ABCC1: variants seen among roughly 807,000 people sequenced by gnomAD.
ABCC1 encodes the protein ATP binding cassette subfamily C member 1 (ABCC1 blood group), also known as multidrug resistance-associated protein 1.
ABCC1 carries 83 observed loss-of-function variants against 172.9 expected under a neutral mutation model. The observed-to-expected ratio is 0.48, with a 90% CI of 0.40 to 0.58. ABCC1 has a LOEUF of 0.58. ABCC1 is among the 20% of genes least tolerant of loss of function. ABCC1 has a pLI of 0.00. For missense variants in ABCC1, 1,817 were observed against 2,002.7 expected (o/e 0.91, Z 1.77); for synonymous variants, 937 against 825.2 (o/e 1.14, Z -2.32).
At chr16:16,112,382 A>G (rs972432685) in intron 22 of ABCC1, among the ~76,000 whole-genome samples, 1 of 151,672 alleles carries the variant, frequency 6.6e-6, no homozygotes, top group Non-Finnish European at 1.5e-5. Context: ...AACAAAAAAA[A>G]AAAAACCCTG....
chr16:16,097,603 A>G (rs1263673485), intron 19 of ABCC1, among the ~76,000 whole-genome samples: 1 of 152,242 alleles, frequency 6.6e-6, no homozygotes, highest in African/African-American at 2.4e-5. Context: ...ACCTCAGACT[A>G]GGAGAAAATA....
chr16:16,070,044 A>G (rs2050277195), intron 13 of ABCC1, among the ~76,000 whole-genome samples: 1 of 150,860 alleles, frequency 6.6e-6, no homozygotes, highest in African/African-American at 2.4e-5. Context: ...AAGAAAGGAA[A>G]TAATACAACA....
intron 7 of ABCC1, among the ~76,000 whole-genome samples, chr16:16,038,093 T>C (rs139911752): frequency 3.2e-4 from 48 of 151,698 alleles, no homozygotes; most frequent in African/African-American, 1.1e-3. Context: ...GATAGATTGA[T>C]AGATGATAGG....
At chr16:16,049,867 T>C in intron 10 of ABCC1, among the ~76,000 whole-genome samples, 1 of 151,948 alleles carries the variant, frequency 6.6e-6, no homozygotes, top group East Asian at 1.9e-4. Flanking sequence ...TTTTTTTTTG[T>C]ATTTTTAGTA....
At chr16:16,089,694 A>C (rs1481628274) in intron 18 of ABCC1, among the ~76,000 whole-genome samples, 1 of 152,052 alleles carries the variant, frequency 6.6e-6, no homozygotes, top group African/African-American at 2.4e-5. Context: ...ACATGGTGAA[A>C]CGCCATCTCT....
chr16:15,994,010 T>C (rs1169526163), intron 1 of ABCC1, among the ~76,000 whole-genome samples: 1 of 151,974 alleles, frequency 6.6e-6, no homozygotes, highest in Non-Finnish European at 1.5e-5. Flanking sequence ...GCGGGCAGAC[T>C]GAGTTCAAGA....
At chr16:16,120,880 T>C (rs1267065900) in intron 23 of ABCC1, among the ~76,000 whole-genome samples, 1 of 152,164 alleles carries the variant, frequency 6.6e-6, no homozygotes, top group Non-Finnish European at 1.5e-5. Flanking sequence ...GGCCATTGCA[T>C]GGACACAGTC....
At chr16:16,097,471 A>G (rs1041072599) in intron 19 of ABCC1, among the ~76,000 whole-genome samples, 53 of 152,204 alleles carry the variant, frequency 3.5e-4, no homozygotes, top group Non-Finnish European at 2.9e-5. Flanking sequence ...AGCCTGACAC[A>G]TAGTAGACAC....
At chr16:16,035,843 G>T (rs1280026535) in intron 6 of ABCC1, among the ~76,000 whole-genome samples, 1 of 151,852 alleles carries the variant, frequency 6.6e-6, no homozygotes, top group African/African-American at 2.4e-5. Flanking sequence ...GCGGGGCACG[G>T]TGGCTTATGC....
chr16:15,996,969 C>G (rs150437037), intron 1 of ABCC1, among the ~76,000 whole-genome samples: 1 of 152,136 alleles, frequency 6.6e-6, no homozygotes, highest in Non-Finnish European at 1.5e-5. Context: ...TGGACGGGGT[C>G]CCCAACTCTT....
intron 15 of ABCC1, among the ~76,000 whole-genome samples, chr16:16,077,048 C>T (rs1230757715): frequency 3.3e-5 from 5 of 152,190 alleles, no homozygotes; most frequent in African/African-American, 4.8e-5. Flanking sequence ...CCACACCCTA[C>T]AGTCCTTACC....
In ABCC1 at chr16:16,007,214, T is replaced by TTGTGTGTGTGTGTGTGTG. The variant is rs71388788; in HGVS notation, c.49-589_49-572dup. ...TGGGTTTTTTTGTGTGTATGCACTG[T>TTGTGTGTGTGTGTGTGTG]TGTGTGTGTGTGTGTGTGTGTGTGT... On this transcript the variant is annotated intron_variant, in intron 1 of 30. Coordinates refer to ENST00000399410, the MANE Select transcript of ABCC1 (RefSeq NM_004996.4). 2.6e-3 allele frequency among the ~76,000 whole-genome samples: 385 copies of TTGTGTGTGTGTGTGTGTG among 145,838 alleles called. 2 individuals are homozygous for TTGTGTGTGTGTGTGTGTG. Among genetic ancestry groups the TTGTGTGTGTGTGTGTGTG allele is most frequent in the African/African-American group, 9.2e-3 (359 of 38,852 alleles).
rs540684083 is a variant in ABCC1 at position 16,114,326 on chromosome 16, A to G, written c.3080-440A>G. Among the ~76,000 whole-genome samples the G allele has an allele frequency of 2.0e-5, 3 of 152,076 alleles. No individual in the cohort carries two copies. The East Asian group carries it at 5.8e-4, about 29-fold the overall frequency. On this transcript the variant is annotated intron_variant, in intron 22 of 30. Coordinates refer to ENST00000399410, the MANE Select transcript of ABCC1 (RefSeq NM_004996.4). ...CCTCTGAATAATAGCTGCCATTATC[A>G]TCATCATTATTATTACTATTTTTTT...
At chr16:16,006,576 T>TA (rs983597593) in intron 1 of ABCC1, among the ~76,000 whole-genome samples, 8 of 151,504 alleles carry the variant, frequency 5.3e-5, no homozygotes, top group Admixed American at 2.0e-4. Context: ...TTTTTTTTTT[T>TA]AAGTAAAAGT....
At chr16:16,123,291 T>C (rs754607817) in intron 24 of ABCC1, among the ~76,000 whole-genome samples, 16 of 152,172 alleles carry the variant, frequency 1.1e-4, no homozygotes, top group South Asian at 2.1e-4. Context: ...TTTTAGAACA[T>C]TAAAATAATA....
chr16:15,975,394 C>T (rs552439260), intron 1 of ABCC1, among the ~76,000 whole-genome samples: 3 of 152,196 alleles, frequency 2.0e-5, no homozygotes, highest in African/African-American at 7.2e-5. Context: ...TGTTCCTTTT[C>T]TTGCTGGAGT....
chr16:16,086,892 C>T lies in ABCC1; in HGVS notation c.2361C>T (p.Asp787=). 1 of 1,614,176 alleles carries T rather than the reference C, an allele frequency of 6.2e-7. No individual in the cohort carries two copies. The highest frequency in any genetic ancestry group is 1.1e-5 in the South Asian group (1 of 91,084). Residue 787 remains aspartate, a synonymous_variant, in exon 18 of 31, where the codon GAC becomes GAT. Coordinates refer to ENST00000399410, the MANE Select transcript of ABCC1 (RefSeq NM_004996.4). ...SLARAVYSNA[D]IYLFDDPLSA... is the part of the protein sequence containing the mutation. ...CCCGGGCCGTGTACTCCAACGCTGACATTTACCTCTTCGATGATCCCCTCT... is the reference window on the plus strand; with the variant it reads ...CCCGGGCCGTGTACTCCAACGCTGATATTTACCTCTTCGATGATCCCCTCT...
At position 16,114,874 on chromosome 16, in the gene ABCC1, T is replaced by G. The variant is rs1449714323; in HGVS notation, c.3188T>G (p.Phe1063Cys). The change falls in exon 23 of 31, where the codon TTC becomes TGC. Residue 1063 changes from phenylalanine (F) to cysteine (C), a missense_variant. Physicochemically the swap from Phe to Cys is radical, Grantham distance 205. Coordinates refer to ENST00000399410, the MANE Select transcript of ABCC1 (RefSeq NM_004996.4). ...LHSILRSPMS[F>C]FERTPSGNLV... ...AGCATCCTGCGGTCACCCATGAGCT[T>G]CTTTGAGCGGACCCCCAGTGGGAAC... 1.2e-6 allele frequency: 2 copies of G among 1,613,820 alleles called. No individual in the cohort carries two copies. Among genetic ancestry groups the G allele is most frequent in the African/African-American group, 1.3e-5 (1 of 74,920 alleles).
intron 1 of ABCC1, among the ~76,000 whole-genome samples, chr16:15,973,190 G>A (rs1278319782): frequency 1.3e-5 from 2 of 152,010 alleles, no homozygotes; most frequent in African/African-American, 4.8e-5. Context: ...GAAGTCACAG[G>A]TTGGTTATAT....
Sources: gnomAD v4.1 joint callset for allele counts (sites outside exome capture counted in the v4.1 genomes callset) on GRCh38, gnomAD v4.1.1 for gene constraint, MANE v1.5 for transcripts, NCBI Gene and HGNC (gene_info 2026-07-23, HGNC 2026-07-21) for gene names.